JAG1: variants seen among roughly 807,000 people sequenced by gnomAD.
The protein encoded by JAG1 is protein jagged-1.
A neutral mutation model predicts 148.7 loss-of-function variants in JAG1; 23 were observed. The observed-to-expected ratio is 0.15, with a 90% confidence interval of 0.11 to 0.22. The LOEUF (loss-of-function observed/expected upper bound fraction) is 0.22. Ranked by LOEUF, JAG1 falls within the 10% of genes least tolerant of loss-of-function variation. The pLI is 1.00. For synonymous variants in JAG1, 572 were observed against 598.3 expected (o/e 0.96, Z 0.64); for missense variants, 1,054 against 1,611.2 (o/e 0.65, Z 5.92).
chr20:10,672,246 C>T (rs2067501322), intron 2 of JAG1, among the ~76,000 whole-genome samples: 1 of 152,222 alleles, frequency 6.6e-6, no homozygotes, highest in African/African-American at 2.4e-5. Context: ...CACCCGCCCT[C>T]CCGGCCGTTC....
intron 4 of JAG1, among the ~76,000 whole-genome samples, chr20:10,657,128 G>A (rs2067384438): frequency 6.6e-6 from 1 of 152,182 alleles, no homozygotes; most frequent in Non-Finnish European, 1.5e-5. Context: ...CACTTTGGGA[G>A]ATTGAGGCAG....
At chr20:10,665,747 T>C (rs577709936) in intron 2 of JAG1, among the ~76,000 whole-genome samples, 1 of 152,260 alleles carries the variant, frequency 6.6e-6, no homozygotes, top group East Asian at 1.9e-4. Context: ...ACCAGGAGTT[T>C]TGACAGACTT....
rs774751728 is a variant in JAG1, at chr20:10,645,323, C to T, written c.2113+33G>A. The T allele has an allele frequency of 1.0e-5, 16 of 1,605,548 alleles. No homozygotes were observed. Among genetic ancestry groups the T allele is most frequent in the African/African-American group, 1.3e-5 (1 of 74,724 alleles). ...CCACAGAAGACAGAGGGAAGGGTCC[C>T]AGAGATAGCATCCAAGGCCAACTAC... On this transcript the variant is annotated intron_variant, in intron 16 of 25. Coordinates refer to ENST00000254958, the MANE Select transcript of JAG1 (RefSeq NM_000214.3). The surrounding 1 kb of genome is among the most constrained non-coding windows in gnomAD (Gnocchi z 6.1).
Position 10,673,032 on chromosome 20 carries a change from C to T in JAG1, c.82-26G>A, listed in dbSNP as rs1346583691. On this transcript the variant is annotated intron_variant, in intron 1 of 25. Transcript: ENST00000254958. This position sits in a 1 kb window ranked among gnomAD's most constrained non-coding sequence, Gnocchi z 4.7. Reference sequence around the variant, plus strand: ...CTGCCGGCGAGGGAAGGAGGTAGGTCAGCGCGGGAGAAAGCTGTTTTCTTC... The same window carrying T: ...CTGCCGGCGAGGGAAGGAGGTAGGTTAGCGCGGGAGAAAGCTGTTTTCTTC... The T allele has an allele frequency of 1.9e-6, 3 of 1,600,902 alleles. No individual in the cohort carries two copies. In the South Asian group the frequency reaches 3.3e-5, roughly 18 times the overall value.
At chr20:10,641,307 T>C in intron 23 of JAG1, 63 bp from the exon 24 acceptor site, 1 of 1,601,566 alleles carries the variant, frequency 6.2e-7, no homozygotes, top group Non-Finnish European at 8.5e-7. Flanking sequence ...AAGGCTGAGA[T>C]GTTCTCTTTG....
intron 7 of JAG1, 64 bp from the exon 8 acceptor site, chr20:10,651,758 CT>C: frequency 9.7e-7 from 1 of 1,028,930 alleles, no homozygotes. Context: ...CCACACCCCC[CT>C]CCAACCGAAT....
At chr20:10,643,221 C>T (rs1272882000) in intron 20 of JAG1, among the ~76,000 whole-genome samples, 11 of 152,226 alleles carry the variant, frequency 7.2e-5, no homozygotes, top group African/African-American at 2.7e-4. Context: ...CATAACTACT[C>T]TAGCACCTTT....
chr20:10,645,868 C>T lies in JAG1; in HGVS notation c.1999+103G>A. On this transcript the variant is annotated intron_variant, in intron 15 of 25. Transcript: ENST00000254958. This position sits in a 1 kb window ranked among gnomAD's most constrained non-coding sequence, Gnocchi z 6.1. ...CAGTGCAGAAATCACTGCGGTCTTGCTTCCAGAGATTTCCAGTACAAAGAA... is the reference window on the plus strand; with the variant it reads ...CAGTGCAGAAATCACTGCGGTCTTGTTTCCAGAGATTTCCAGTACAAAGAA... 1 of 849,176 alleles carries T rather than the reference C, an allele frequency of 1.2e-6. No homozygotes were observed. The highest frequency in any genetic ancestry group is 1.3e-5 in the South Asian group (1 of 75,608). 52.6% of individuals were successfully genotyped at this position (849,176 alleles called of 1,614,324 possible). A position where few individuals can be genotyped will look rare whatever the true frequency, so the allele number is the denominator to read the frequency against.
chr20:10,649,338 G>A (rs909631980), intron 10 of JAG1, among the ~76,000 whole-genome samples, 184 bp downstream of exon 10: 6 of 152,186 alleles, frequency 3.9e-5, no homozygotes, highest in African/African-American at 9.6e-5. Flanking sequence ...GCTGGTTTTC[G>A]CAGCTAATGA....
intron 8 of JAG1, 54 bp downstream of exon 8, chr20:10,651,526 TG>T: frequency 8.4e-7 from 1 of 1,183,568 alleles, no homozygotes; most frequent in Non-Finnish European, 1.3e-6. Flanking sequence ...CTCCCCAGCG[TG>T]GTATCTTGGC....
chr20:10,647,830 A>C, intron 13 of JAG1, 130 bp downstream of exon 13: 1 of 1,004,286 alleles, frequency 1.0e-6, no homozygotes, highest in East Asian at 2.6e-5. Context: ...CTACACAGGC[A>C]GGATCATTTC....
At chr20:10,668,389 C>A (rs2067471424) in intron 2 of JAG1, among the ~76,000 whole-genome samples, 2 of 152,166 alleles carry the variant, frequency 1.3e-5, no homozygotes, top group South Asian at 4.1e-4. Context: ...AGATCCTAGG[C>A]TTGAAGGATG....
chr20:10,647,200 G>A, intron 13 of JAG1, 97 bp from the exon 14 acceptor site: 1 of 1,420,564 alleles, frequency 7.0e-7, no homozygotes, highest in Non-Finnish European at 9.9e-7. Flanking sequence ...CCTGGAGACA[G>A]GGACCCTCTG....
In JAG1 at chr20:10,658,583, G is replaced by C. The variant is rs2122623638; in HGVS notation, c.579C>G (p.Gly193=). Residue 193 remains glycine, a synonymous_variant, in exon 4 of 26, where the codon GGC becomes GGG. Coordinates refer to ENST00000254958, the MANE Select transcript of JAG1 (RefSeq NM_000214.3). ...IRVTCDDYYY[G]FGCNKFCRPR... The stretch of plus-strand genomic sequence containing the variant: ...GGCGGCAGAACTTATTGCAGCCAAA[G>C]CCATAGTAGTAGTCATCACAGGTCA... 1 of 1,614,244 alleles carries C rather than the reference G, an allele frequency of 6.2e-7. No homozygotes were observed. Among genetic ancestry groups the C allele is most frequent in the Non-Finnish European group, 8.5e-7 (1 of 1,180,048 alleles).
At position 10,639,563 on chromosome 20, in the gene JAG1, T is replaced by G; in HGVS notation, c.3592A>C (p.Asn1198His). The G allele has an allele frequency of 6.2e-7, 1 of 1,614,220 alleles. No individual in the cohort carries two copies. Among genetic ancestry groups the G allele is most frequent in the Non-Finnish European group, 8.5e-7 (1 of 1,180,036 alleles). ...GTPTKHPNWT[N>H]KQDNRDLESA... ...TCCAAGTCTCTGTTGTCCTGTTTGT[T>G]TGTCCAGTTTGGGTGTTTTGTCGGC... is the stretch of plus-strand genomic sequence containing the variant. The change falls in exon 26 of 26, where the codon AAC (asparagine) becomes CAC (histidine). Residue 1198 changes from asparagine (N) to histidine (H), a missense_variant. By Grantham distance (68) the Asn-to-His change is moderately conservative (BLOSUM62 1). Coordinates refer to ENST00000254958, the MANE Select transcript of JAG1 (RefSeq NM_000214.3).
rs1032024934 is a variant in JAG1 at position 10,651,704 on chromosome 20, C to T, written c.1007-10G>A. ...AGGCAGGCGTGCTCAGCTGCAAAAA[C>T]CAGGATGGCAGTCAGAGAGGGATGC... is the stretch of plus-strand genomic sequence containing the variant. On this transcript the variant is annotated splice_polypyrimidine_tract_variant and intron_variant, in intron 7 of 25. Transcript: ENST00000254958. 4 of 1,586,426 alleles carry T rather than the reference C, an allele frequency of 2.5e-6. No homozygotes were observed. The Admixed American group carries it at 5.0e-5, about 20-fold the overall frequency.
rs1316781075 is a variant in JAG1, at chr20:10,643,878, A to G, written c.2373-15T>C. On this transcript the variant is annotated splice_polypyrimidine_tract_variant and intron_variant, in intron 19 of 25. Transcript: ENST00000254958. ...CGCTGTTGTAACTAAGAAAGCAAAG[A>G]CCACCTTGGTTACCAACCTCCCAGT... 6.2e-7 allele frequency: 1 copy of G among 1,606,762 alleles called. No individual in the cohort carries two copies. The highest frequency in any genetic ancestry group is 1.3e-5 in the African/African-American group (1 of 74,562).
chr20:10,669,779 C>T (rs1029761677), intron 2 of JAG1, among the ~76,000 whole-genome samples: 1 of 152,072 alleles, frequency 6.6e-6, no homozygotes, highest in East Asian at 1.9e-4. Flanking sequence ...GGTAATTACA[C>T]TAATGTATTT....
Position 10,643,762 on chromosome 20 carries a change from C to A in JAG1, c.2458+16G>T, listed in dbSNP as rs772170740. The A allele has an allele frequency of 6.2e-6, 10 of 1,607,534 alleles. No homozygotes were observed. The African/African-American group carries it at 1.2e-4, about 19-fold the overall frequency. On this transcript the variant is annotated intron_variant, in intron 20 of 25. Coordinates refer to ENST00000254958, the MANE Select transcript of JAG1 (RefSeq NM_000214.3). ...CGGTAAAGCCATTGGGAAAACCAGA[C>A]GGAGACAGTCCTTACTTATTCTGCA...
Sources: allele counts gnomAD v4.1 joint callset (sites outside exome capture counted in the v4.1 genomes callset), GRCh38; gene constraint gnomAD v4.1.1; non-coding constraint Gnocchi (gnomAD v3.1); transcripts MANE v1.5; gene names NCBI Gene and HGNC (gene_info 2026-07-23, HGNC 2026-07-21).